The following ANXA4 variants were observed in gnomAD, a reference collection of about 807,000 sequenced individuals.
ANXA4 encodes annexin A4, also known as 35-beta calcimedin.
In ANXA4, 39 loss-of-function variants were observed where a neutral mutation model predicts 49.8. The observed-to-expected ratio is 0.78, with a 90% confidence interval of 0.61 to 1.02. The LOEUF (loss-of-function observed/expected upper bound fraction) is 1.02, where lower values mean the gene tolerates loss of function less well. Ranked by LOEUF, ANXA4 falls within the 50% of genes least tolerant of loss-of-function variation. The probability of loss-of-function intolerance (pLI) is 0.00; values close to 1 mark genes in which losing one functional copy is unlikely to be tolerated. For synonymous variants in ANXA4, 134 were observed against 152.5 expected, an observed-to-expected ratio of 0.88 and a Z score of 0.89; for missense variants, 360 against 410.1, an observed-to-expected ratio of 0.88 and a Z score of 1.05.
upstream of ANXA4, chr2:69,643,936 C>G (rs1675885376): frequency 1.8e-6 from 2 of 1,122,324 alleles, no homozygotes; most frequent in South Asian, 4.5e-5. Context: ...TCAGTGCAGA[C>G]AGAGTTCTGG....
At chr2:69,668,242 AT>A (rs933437902) in intron 2 of ANXA4, among the ~76,000 whole-genome samples, 12 of 152,112 alleles carry the variant, frequency 7.9e-5, no homozygotes, top group African/African-American at 2.9e-4. Context: ...TCCAAGTGAA[AT>A]TTTTTTCTAT....
intron 2 of ANXA4, among the ~76,000 whole-genome samples, chr2:69,717,454 T>C (rs1165109083): frequency 2.0e-5 from 3 of 152,172 alleles, no homozygotes; most frequent in Non-Finnish European, 4.4e-5. Flanking sequence ...TTGATCATTA[T>C]TCCTGCATCA....
In ANXA4 at chr2:69,717,217, A is replaced by G. The variant is rs796761940; in HGVS notation, n.767-3557A>G. Among the ~76,000 whole-genome samples the G allele has an allele frequency of 5.3e-5, 8 of 152,260 alleles. No homozygotes were observed. In the South Asian group the frequency reaches 1.7e-3, roughly 32 times the overall value. ...GGAACATGCCCATTTAAAAGCATCC[A>G]TATGCATTTTGTTTGGCTTGTTGGT... On this transcript the variant is annotated intron_variant and non_coding_transcript_variant, in intron 2 of 3. Transcript: ENST00000418066.
chr2:69,656,228 T>C (rs139781069), intron 2 of ANXA4, among the ~76,000 whole-genome samples: 3,020 of 133,568 alleles, frequency 0.023, 223 homozygotes, highest in East Asian at 0.14. Flanking sequence ...TATGTATATA[T>C]GTATATATAT....
At chr2:69,724,457 C>T (rs561560163) in intron 3 of ANXA4, among the ~76,000 whole-genome samples, 7 of 152,286 alleles carry the variant, frequency 4.6e-5, no homozygotes, top group African/African-American at 7.2e-5. Context: ...AGTACAAATA[C>T]GTCAGGCAGG....
chr2:69,760,224 AT>A (rs953219482), intron 1 of ANXA4, among the ~76,000 whole-genome samples: 5 of 152,192 alleles, frequency 3.3e-5, no homozygotes, highest in Non-Finnish European at 7.3e-5. Context: ...GAAGGATTCC[AT>A]TTTTATGAAA....
At chr2:69,783,214 T>C (rs1672272886) in intron 2 of ANXA4, among the ~76,000 whole-genome samples, 1 of 152,076 alleles carries the variant, frequency 6.6e-6, no homozygotes, top group African/African-American at 2.4e-5. Flanking sequence ...CTTCTTAATT[T>C]ATTTTTATTT....
chr2:69,811,907 C>T (rs1344952242), intron 7 of ANXA4, among the ~76,000 whole-genome samples: 1 of 152,076 alleles, frequency 6.6e-6, no homozygotes, highest in Admixed American at 6.6e-5. Context: ...CATGCCTAGA[C>T]CATGGAACAT....
upstream of ANXA4, among the ~76,000 whole-genome samples, chr2:69,738,461 T>C (rs1180376202): frequency 6.6e-6 from 1 of 152,096 alleles, no homozygotes; most frequent in Non-Finnish European, 1.5e-5. Flanking sequence ...AGCCCTAGTC[T>C]TGTGTTAATC....
At chr2:69,734,613 C>T (rs1670193309) in intron 3 of ANXA4, among the ~76,000 whole-genome samples, 1 of 152,078 alleles carries the variant, frequency 6.6e-6, no homozygotes, top group Non-Finnish European at 1.5e-5. Context: ...GACCTTAACC[C>T]CTCTCTGTTC....
At chr2:69,784,577 C>T (rs1429562257) in intron 2 of ANXA4, among the ~76,000 whole-genome samples, 2 of 152,216 alleles carry the variant, frequency 1.3e-5, no homozygotes, top group African/African-American at 4.8e-5. Context: ...TAAAGTGCCT[C>T]TGTTAGTTTC....
intron 3 of ANXA4, among the ~76,000 whole-genome samples, chr2:69,795,952 G>C (rs1415888425): frequency 2.0e-5 from 3 of 152,204 alleles, no homozygotes; most frequent in Non-Finnish European, 4.4e-5. Flanking sequence ...TGATTGGACA[G>C]GAGAACAGAG....
intron 3 of ANXA4, among the ~76,000 whole-genome samples, chr2:69,801,558 C>G (rs1210704119): frequency 6.6e-6 from 1 of 152,086 alleles, no homozygotes; most frequent in Non-Finnish European, 1.5e-5. Context: ...GCCCCCACCA[C>G]CATACCTGGC....
chr2:69,799,064 G>A (rs1673074148), intron 3 of ANXA4, among the ~76,000 whole-genome samples: 1 of 152,188 alleles, frequency 6.6e-6, no homozygotes, highest in Non-Finnish European at 1.5e-5. Context: ...ATGAGGAGGG[G>A]ATGTCTTATC....
At chr2:69,650,333 G>A (rs1392341455) in intron 1 of ANXA4, among the ~76,000 whole-genome samples, 1 of 152,146 alleles carries the variant, frequency 6.6e-6, no homozygotes, top group African/African-American at 2.4e-5. Context: ...TACCCTCCAG[G>A]AGATTGATAT....
In ANXA4 at chr2:69,804,540, T is replaced by A. The variant is rs1412198945; in HGVS notation, c.105T>A (p.Asp35Glu). 12 of 1,613,560 alleles carry A rather than the reference T, an allele frequency of 7.4e-6. No individual in the cohort carries two copies. The Admixed American group carries it at 1.2e-4, about 16-fold the overall frequency. Residue 35 changes from aspartate (D) to glutamate (E), a missense_variant, in exon 4 of 13, where the codon GAT becomes GAA. Coordinates refer to ENST00000394295, the MANE Select transcript of ANXA4 (RefSeq NM_001153.5). ...LRKAMKGLGT[D>E]EDAIISVLAY... ...TCTCCCTTCTTCCCCCAGGCACCGA[T>A]GAAGACGCCATTATTAGCGTCCTTG...
chr2:69,647,798 C>T (rs1223196756), intron 1 of ANXA4, among the ~76,000 whole-genome samples: 2 of 152,068 alleles, frequency 1.3e-5, no homozygotes, highest in Admixed American at 1.3e-4. Context: ...CTCAGGTGAT[C>T]CTCCCACCTC....
At chr2:69,689,603 T>C (rs1346785548) in intron 2 of ANXA4, among the ~76,000 whole-genome samples, 2 of 152,230 alleles carry the variant, frequency 1.3e-5, no homozygotes, top group African/African-American at 2.4e-5. Context: ...AAGGTCGTTA[T>C]GTAGTTCTTT....
At chr2:69,796,366 G>A (rs1672945636) in intron 3 of ANXA4, among the ~76,000 whole-genome samples, 1 of 152,124 alleles carries the variant, frequency 6.6e-6, no homozygotes, top group Non-Finnish European at 1.5e-5. Flanking sequence ...AGTCCCTATG[G>A]TAAAAGACCA....
Sources: gnomAD v4.1 joint callset for allele counts (sites outside exome capture counted in the v4.1 genomes callset) on GRCh38, gnomAD v4.1.1 for gene constraint, MANE v1.5 for transcripts, NCBI Gene and HGNC (gene_info 2026-07-23, HGNC 2026-07-21) for gene names.